STK33: variants seen among roughly 807,000 people sequenced by gnomAD.
STK33 encodes the protein serine/threonine kinase 33, also known as serine/threonine-protein kinase 33.
A neutral mutation model predicts 58.0 loss-of-function variants in STK33; 52 were observed. The observed-to-expected ratio is 0.90, with a 90% CI of 0.72 to 1.13. The LOEUF (loss-of-function observed/expected upper bound fraction) is 1.13, where lower values mean the gene tolerates loss of function less well. Among genes scored for constraint, STK33 ranks in the 50% most tolerant of loss-of-function variants. STK33 has a pLI of 0.00. For missense variants in STK33, 630 were observed against 604.2 expected (o/e 1.04, Z -0.45); for synonymous variants, 215 against 200.1 (o/e 1.07, Z -0.63).
the STK33 span, among the ~76,000 whole-genome samples, chr11:8,363,309 T>A: frequency 2.0e-5 from 3 of 152,204 alleles, no homozygotes; most frequent in Non-Finnish European, 4.4e-5. Context: ...TTTATTTATT[T>A]AAGAATATTT....
At chr11:8,448,536 G>A (rs1277502894) in intron 11 of STK33, among the ~76,000 whole-genome samples, 2 of 152,134 alleles carry the variant, frequency 1.3e-5, no homozygotes, top group African/African-American at 2.4e-5. Flanking sequence ...ATGCGGAAAC[G>A]ATTCCCTATT....
intron 1 of STK33, among the ~76,000 whole-genome samples, chr11:8,485,720 T>C (rs1950151628): frequency 6.6e-6 from 1 of 152,208 alleles, no homozygotes; most frequent in South Asian, 2.1e-4. Flanking sequence ...ATTGGCTGTA[T>C]AGCTTTTGCC....
chr11:8,557,191 C>T (rs913786544), intron 1 of STK33, among the ~76,000 whole-genome samples: 1 of 139,196 alleles, frequency 7.2e-6, no homozygotes, highest in Non-Finnish European at 1.5e-5. Flanking sequence ...GTCAAGGCGG[C>T]AGTGAGCCTT....
At chr11:8,518,871 G>C (rs992914378) in intron 1 of STK33, among the ~76,000 whole-genome samples, 18 of 152,172 alleles carry the variant, frequency 1.2e-4, no homozygotes, top group African/African-American at 4.3e-4. Flanking sequence ...AAGAGACTTA[G>C]ACTCCCACAC....
intron 1 of STK33, among the ~76,000 whole-genome samples, chr11:8,527,070 C>T (rs1324621634): frequency 1.3e-5 from 2 of 150,430 alleles, no homozygotes; most frequent in African/African-American, 2.4e-5. Flanking sequence ...CTCCGGGGTT[C>T]ATGCAATTCT....
chr11:8,343,494 C>T, the STK33 span, among the ~76,000 whole-genome samples: 2 of 152,180 alleles, frequency 1.3e-5, no homozygotes, highest in African/African-American at 2.4e-5. Context: ...AGTCAGCTGT[C>T]CCTGTGAGCA....
chr11:8,558,810 A>G lies in STK33; in HGVS notation c.-466+35273T>C, dbSNP rs140254558. 6.9e-3 allele frequency among the ~76,000 whole-genome samples: 1,058 copies of G among 152,304 alleles called. 12 individuals are homozygous for G. The highest frequency in any genetic ancestry group is 0.023 in the African/African-American group (958 of 41,556). On this transcript the variant is annotated intron_variant, in intron 1 of 15. Transcript: ENST00000687296. ...CAAACATGAAATTCACTTATGCTCA[A>G]ATCGCTTCCTAATATATCAATGGCA...
intron 10 of STK33, among the ~76,000 whole-genome samples, chr11:8,453,827 T>C (rs766954937): frequency 2.6e-5 from 4 of 152,238 alleles, no homozygotes; most frequent in Non-Finnish European, 4.4e-5. Context: ...TGAATCAATT[T>C]CTCCATTAGT....
chr11:8,457,664 T>C (rs1450895686), intron 8 of STK33, among the ~76,000 whole-genome samples, 185 bp from the exon 9 acceptor site: 1 of 152,154 alleles, frequency 6.6e-6, no homozygotes, highest in Non-Finnish European at 1.5e-5. Flanking sequence ...ATAGTATTTA[T>C]CCCCAAGAAG....
chr11:8,469,944 T>C (rs185873157), intron 6 of STK33, among the ~76,000 whole-genome samples: 54 of 152,332 alleles, frequency 3.5e-4, no homozygotes, highest in African/African-American at 1.3e-3. Flanking sequence ...TCATTCAGGC[T>C]TTGTTGTTTT....
chr11:8,474,982 A>G lies in STK33; in HGVS notation c.-77T>C. 1 of 1,380,500 alleles carries G rather than the reference A, an allele frequency of 7.2e-7. No homozygotes were observed. Among genetic ancestry groups the G allele is most frequent in the Non-Finnish European group, 9.8e-7 (1 of 1,020,292 alleles). 85.5% of individuals were successfully genotyped at this position (1,380,500 alleles called of 1,614,324 possible). A position where few individuals can be genotyped will look rare whatever the true frequency, so the allele number is the denominator to read the frequency against. On this transcript the variant is annotated 5_prime_UTR_variant, in exon 5 of 16. Coordinates refer to ENST00000687296, the MANE Select transcript of STK33 (RefSeq NM_001352389.2). ...GAAGAAAACCAGGCCAAAAAGGATA[A>G]GGTAGTTGATGGTGAAAACTGTAAT...
chr11:8,579,046 A>T (rs182056452), intron 1 of STK33, among the ~76,000 whole-genome samples: 1 of 152,170 alleles, frequency 6.6e-6, no homozygotes, highest in African/African-American at 2.4e-5. Flanking sequence ...GGAAATCACC[A>T]AGTTATAGTC....
chr11:8,488,408 A>G lies in STK33; in HGVS notation c.-465-7794T>C, dbSNP rs183832840. On this transcript the variant is annotated intron_variant, in intron 1 of 15. Transcript: ENST00000687296. ...ACATAGGGCTATATGCATGCACAGGAAAGACTTGAGAAGCTCCTAAACTCT... is the reference window on the plus strand; with the variant it reads ...ACATAGGGCTATATGCATGCACAGGGAAGACTTGAGAAGCTCCTAAACTCT... Among the ~76,000 whole-genome samples, 43 of 152,214 alleles carry G rather than the reference A, an allele frequency of 2.8e-4. No individual in the cohort carries two copies. The Middle Eastern group carries it at 0.01, about 36-fold the overall frequency.
At chr11:8,422,593 G>A (rs1245503825) in intron 14 of STK33, among the ~76,000 whole-genome samples, 1 of 152,092 alleles carries the variant, frequency 6.6e-6, no homozygotes, top group Non-Finnish European at 1.5e-5. Flanking sequence ...AGAAGATTTT[G>A]AACTATTGCT....
chr11:8,405,232 T>G (rs533061622), intron 15 of STK33, among the ~76,000 whole-genome samples: 1 of 152,362 alleles, frequency 6.6e-6, no homozygotes, highest in East Asian at 1.9e-4. Context: ...TTGTTTCATA[T>G]CCTTGCCAAT....
At chr11:8,464,945 TAGA>T (rs1591291610) in intron 6 of STK33, 123 bp from the exon 7 acceptor site, 1 of 587,488 alleles carries the variant, frequency 1.7e-6, no homozygotes, top group East Asian at 2.8e-5. Flanking sequence ...TAAAATCAAA[TAGA>T]AGACACTATA....
At chr11:8,522,720 A>T (rs143212676) in intron 1 of STK33, among the ~76,000 whole-genome samples, 75 of 152,294 alleles carry the variant, frequency 4.9e-4, no homozygotes, top group African/African-American at 1.6e-3. Flanking sequence ...AAAACAAAAA[A>T]AGGCAATCTA....
downstream of STK33, among the ~76,000 whole-genome samples, chr11:8,386,905 C>T (rs1171425307): frequency 3.9e-5 from 6 of 152,170 alleles, no homozygotes; most frequent in Admixed American, 3.9e-4. Context: ...ATGGGAATCA[C>T]ACTTTGCTCC....
the STK33 span, among the ~76,000 whole-genome samples, chr11:8,364,533 G>A: frequency 1.3e-5 from 2 of 152,208 alleles, no homozygotes; most frequent in African/African-American, 4.8e-5. Context: ...GGAGCAACCT[G>A]CAAACTGAAG....
Sources: gnomAD v4.1 joint callset for allele counts (sites outside exome capture counted in the v4.1 genomes callset) on GRCh38, gnomAD v4.1.1 for gene constraint, MANE v1.5 for transcripts, NCBI Gene and HGNC (gene_info 2026-07-23, HGNC 2026-07-21) for gene names.